CADM2: variants seen among roughly 807,000 people sequenced by gnomAD.
The protein encoded by CADM2 is cell adhesion molecule 2.
A neutral mutation model predicts 49.8 loss-of-function variants in CADM2; 12 were observed. The ratio of observed to expected loss-of-function variants is 0.24; its 90% CI spans 0.15 to 0.39. The LOEUF (loss-of-function observed/expected upper bound fraction) is 0.39. Among genes scored for constraint, CADM2 ranks in the 10% least tolerant of loss-of-function variants. CADM2 has a pLI of 1.00. For synonymous variants in CADM2, 214 were observed against 175.4 expected, an observed-to-expected ratio of 1.22 and a Z score of -1.74; for missense variants, 378 against 492.3, an observed-to-expected ratio of 0.77 and a Z score of 2.20.
At position 85,437,334 on chromosome 3, in the gene CADM2, T is replaced by C. The variant is rs186287346; in HGVS notation, c.62-289188T>C. ...AAACAGCTGTGTGCAAGTTTATCAG[T>C]GGATACAGCTTTTAACTCCTTTGGG... On this transcript the variant is annotated intron_variant, in intron 1 of 9. Transcript: ENST00000383699. 1.1e-3 allele frequency among the ~76,000 whole-genome samples: 167 copies of C among 152,276 alleles called. 1 individual carries two copies. The highest frequency in any genetic ancestry group is 2.7e-3 in the Admixed American group (41 of 15,266).
At chr3:85,853,585 T>A (rs1559701603) in intron 3 of CADM2, among the ~76,000 whole-genome samples, 1 of 151,912 alleles carries the variant, frequency 6.6e-6, no homozygotes, top group Non-Finnish European at 1.5e-5. Flanking sequence ...ACTTATAAAT[T>A]TGTAATACTT....
chr3:85,005,041 T>G (rs2033656396), intron 1 of CADM2, among the ~76,000 whole-genome samples: 2 of 152,120 alleles, frequency 1.3e-5, no homozygotes, highest in African/African-American at 4.8e-5. Context: ...ACCTTTAATA[T>G]CAGTGGTAAA....
chr3:85,420,255 C>G (rs2036106995), intron 1 of CADM2, among the ~76,000 whole-genome samples: 2 of 152,168 alleles, frequency 1.3e-5, no homozygotes, highest in African/African-American at 2.4e-5. Context: ...CAAGTAACTT[C>G]TAATACACTC....
chr3:85,516,447 G>C (rs889548869), intron 1 of CADM2, among the ~76,000 whole-genome samples: 9 of 152,202 alleles, frequency 5.9e-5, no homozygotes, highest in South Asian at 2.1e-4. Flanking sequence ...AAATAAGTTG[G>C]TAGGCAGGTA....
chr3:85,471,694 T>TTTTATTTTATTTTATTTTA (rs1425590138), intron 1 of CADM2, among the ~76,000 whole-genome samples: 7 of 149,492 alleles, frequency 4.7e-5, no homozygotes, highest in Non-Finnish European at 1.0e-4. Flanking sequence ...TAGCATTTTA[T>TTTTATTTTATTTTATTTTA]TTTATTTTAT....
chr3:85,958,386 T>A (rs1010297229), intron 7 of CADM2, among the ~76,000 whole-genome samples: 1 of 152,002 alleles, frequency 6.6e-6, no homozygotes, highest in East Asian at 1.9e-4. Flanking sequence ...GCAGGCACTG[T>A]GGTGATTTCT....
chr3:85,883,211 T>C, intron 3 of CADM2, 80 bp from the exon 4 acceptor site: 3 of 1,099,778 alleles, frequency 2.7e-6, no homozygotes, highest in Non-Finnish European at 3.8e-6. Flanking sequence ...ATTTATTGTA[T>C]TGTGTTGAAA....
At chr3:85,186,684 T>C (rs964020042) in intron 1 of CADM2, among the ~76,000 whole-genome samples, 4 of 151,860 alleles carry the variant, frequency 2.6e-5, no homozygotes, top group African/African-American at 9.7e-5. Context: ...CTAGATACAA[T>C]AGTAGTCTCT....
intron 5 of CADM2, among the ~76,000 whole-genome samples, chr3:85,899,361 A>G (rs1715783880): frequency 6.6e-6 from 1 of 152,092 alleles, no homozygotes; most frequent in African/African-American, 2.4e-5. Context: ...ATACATATAC[A>G]TTTTGCCATT....
chr3:85,019,993 A>G (rs2034425079), intron 1 of CADM2, among the ~76,000 whole-genome samples: 1 of 152,122 alleles, frequency 6.6e-6, no homozygotes, highest in Admixed American at 6.5e-5. Context: ...AAATACAAAG[A>G]TATATGTTTT....
chr3:85,223,318 G>C (rs114149138), intron 1 of CADM2, among the ~76,000 whole-genome samples: 148 of 152,192 alleles, frequency 9.7e-4, no homozygotes, highest in African/African-American at 2.6e-3. Context: ...TTTAAGGTCT[G>C]TTCTAAAATG....
chr3:85,565,463 T>G (rs73843657), intron 1 of CADM2, among the ~76,000 whole-genome samples: 1,705 of 152,192 alleles, frequency 0.011, 35 homozygotes, highest in African/African-American at 0.039. Context: ...CTTCTAAGAT[T>G]TATAAACTAT....
chr3:85,744,681 G>A (rs2068540447), intron 2 of CADM2, among the ~76,000 whole-genome samples: 2 of 152,196 alleles, frequency 1.3e-5, no homozygotes, highest in Non-Finnish European at 2.9e-5. Flanking sequence ...TCAGAGCAAG[G>A]GCCCCAAGGC....
intron 1 of CADM2, among the ~76,000 whole-genome samples, chr3:85,576,485 GTCAC>G (rs2062636831): frequency 6.6e-6 from 1 of 152,106 alleles, no homozygotes; most frequent in African/African-American, 2.4e-5. Flanking sequence ...GCTTCCCAAA[GTCAC>G]CTTAAAAATG....
chr3:85,053,119 A>G (rs981700879), intron 1 of CADM2, among the ~76,000 whole-genome samples: 4 of 152,080 alleles, frequency 2.6e-5, no homozygotes, highest in African/African-American at 9.7e-5. Flanking sequence ...ATGATAGGCA[A>G]AGTATTTGCC....
chr3:85,401,356 G>A (rs2035100370), intron 1 of CADM2, among the ~76,000 whole-genome samples: 1 of 152,160 alleles, frequency 6.6e-6, no homozygotes, highest in Non-Finnish European at 1.5e-5. Flanking sequence ...GCAAGATTCA[G>A]TTTAAAGAAA....
chr3:85,636,398 G>C (rs1320254891), intron 1 of CADM2, among the ~76,000 whole-genome samples: 1 of 152,148 alleles, frequency 6.6e-6, no homozygotes, highest in East Asian at 1.9e-4. Flanking sequence ...AGGATATAAA[G>C]AAAGAAAATA....
chr3:85,179,779 T>C (rs979500255), intron 1 of CADM2, among the ~76,000 whole-genome samples: 1 of 152,156 alleles, frequency 6.6e-6, no homozygotes, highest in African/African-American at 2.4e-5. Flanking sequence ...AAATTTAGTT[T>C]ATTATTTTGA....
At chr3:85,964,097 A>G (rs1444660883) in intron 8 of CADM2, among the ~76,000 whole-genome samples, 1 of 151,852 alleles carries the variant, frequency 6.6e-6, no homozygotes, top group Non-Finnish European at 1.5e-5. Context: ...TATAAATATA[A>G]AAAGCTACTC....
Sources: allele counts gnomAD v4.1 joint callset (sites outside exome capture counted in the v4.1 genomes callset), GRCh38; gene constraint gnomAD v4.1.1; transcripts MANE v1.5; gene names NCBI Gene and HGNC (gene_info 2026-07-23, HGNC 2026-07-21).